Variants in ERC2 observed in about 807,000 individuals in gnomAD.
ERC2 encodes ELKS/RAB6-interacting/CAST family member 2, also known as ERC protein 2.
A neutral mutation model predicts 114.8 loss-of-function variants in ERC2; 42 were observed. The observed-to-expected ratio is 0.37, with a 90% CI of 0.29 to 0.47. ERC2 has a LOEUF of 0.47. ERC2 is among the 20% of genes least tolerant of loss of function. The pLI, the probability that ERC2 is intolerant of heterozygous loss-of-function variation, is 0.99. For synonymous variants in ERC2, 454 were observed against 425.5 expected, an observed-to-expected ratio of 1.07 and a Z score of -0.82; for missense variants, 939 against 1,150.7, an observed-to-expected ratio of 0.82 and a Z score of 2.66.
chr3:55,580,930 G>T (rs975481649), intron 17 of ERC2, among the ~76,000 whole-genome samples: 1 of 152,202 alleles, frequency 6.6e-6, no homozygotes, highest in African/African-American at 2.4e-5. Flanking sequence ...GTTAGATGAG[G>T]TCTCATTGAG....
chr3:55,890,478 G>T (rs1163407952), intron 13 of ERC2, among the ~76,000 whole-genome samples: 1 of 152,182 alleles, frequency 6.6e-6, no homozygotes, highest in Non-Finnish European at 1.5e-5. Flanking sequence ...CATCGAAGCT[G>T]ATCTATCTGC....
intron 2 of ERC2, among the ~76,000 whole-genome samples, chr3:56,417,067 T>C (rs1306958284): frequency 6.6e-6 from 1 of 152,206 alleles, no homozygotes; most frequent in African/African-American, 2.4e-5. Flanking sequence ...ATGGATTCTG[T>C]AGACTGAGAT....
At chr3:55,829,215 C>A (rs2060466326) in intron 14 of ERC2, among the ~76,000 whole-genome samples, 1 of 152,040 alleles carries the variant, frequency 6.6e-6, no homozygotes, top group Non-Finnish European at 1.5e-5. Flanking sequence ...AGATGCCAAC[C>A]CCAAGATTAC....
rs553175496 is a variant in ERC2, at chr3:56,223,140, G to T, written c.1075-49620C>A. On this transcript the variant is annotated intron_variant, in intron 3 of 17. Coordinates refer to ENST00000288221, the MANE Select transcript of ERC2 (RefSeq NM_015576.3). ...CTGACCATGTCTGTAGACAAATGTA[G>T]CTCTGTGGAATCTGGACTGTCCTCA... 8.9e-4 allele frequency among the ~76,000 whole-genome samples: 136 copies of T among 152,328 alleles called. 2 individuals are homozygous for T. The South Asian group carries it at 0.028, about 31-fold the overall frequency.
At chr3:55,698,069 CCT>C (rs1043103214) in intron 16 of ERC2, among the ~76,000 whole-genome samples, 1 of 151,944 alleles carries the variant, frequency 6.6e-6, no homozygotes, top group Non-Finnish European at 1.5e-5. Context: ...GAAATTGACA[CCT>C]CTCTCCACAT....
intron 7 of ERC2, among the ~76,000 whole-genome samples, chr3:56,028,179 T>C (rs559319955): frequency 2.0e-5 from 3 of 152,266 alleles, no homozygotes; most frequent in East Asian, 3.9e-4. Context: ...TTCAATAATA[T>C]CACACTGTCT....
chr3:55,652,912 A>T (rs2060698326), intron 17 of ERC2, among the ~76,000 whole-genome samples: 2 of 151,880 alleles, frequency 1.3e-5, no homozygotes. Context: ...CTGTTTTGAG[A>T]AATGTAGAAA....
chr3:56,350,291 C>T (rs2058501373), intron 2 of ERC2, among the ~76,000 whole-genome samples: 1 of 152,210 alleles, frequency 6.6e-6, no homozygotes, highest in African/African-American at 2.4e-5. Flanking sequence ...AGAAGCTGGC[C>T]TATCTAAAAT....
At chr3:55,732,018 G>A (rs1210470846) in intron 15 of ERC2, among the ~76,000 whole-genome samples, 1 of 152,020 alleles carries the variant, frequency 6.6e-6, no homozygotes, top group African/African-American at 2.4e-5. Flanking sequence ...ACCTGATGGG[G>A]TATGTGTGGA....
chr3:55,790,561 C>T (rs2069918383), intron 14 of ERC2, among the ~76,000 whole-genome samples: 1 of 152,190 alleles, frequency 6.6e-6, no homozygotes. Context: ...GTTAATGCTC[C>T]TAAGAGCATC....
intron 2 of ERC2, among the ~76,000 whole-genome samples, chr3:56,305,695 C>A (rs1373555130): frequency 6.6e-6 from 1 of 152,236 alleles, no homozygotes; most frequent in Non-Finnish European, 1.5e-5. Context: ...CATATCCTCA[C>A]CCAGAAATTT....
At chr3:55,759,456 T>G (rs982324041) in intron 14 of ERC2, among the ~76,000 whole-genome samples, 1 of 111,242 alleles carries the variant, frequency 9.0e-6, no homozygotes, top group Non-Finnish European at 1.8e-5. Context: ...TTTAAGTCTC[T>G]TTCATTAAAA....
chr3:55,776,263 A>C (rs767018191), intron 14 of ERC2, among the ~76,000 whole-genome samples: 6 of 152,072 alleles, frequency 3.9e-5, no homozygotes, highest in Non-Finnish European at 8.8e-5. Flanking sequence ...GGAAATCTCA[A>C]GAAGCGGGTC....
intron 15 of ERC2, among the ~76,000 whole-genome samples, chr3:55,714,541 T>C (rs570013730): frequency 3.7e-4 from 56 of 151,924 alleles, no homozygotes; most frequent in African/African-American, 1.1e-3. Flanking sequence ...CATCACAACA[T>C]ATAATTAAAT....
intron 13 of ERC2, among the ~76,000 whole-genome samples, chr3:55,942,431 G>C (rs1444107388): frequency 6.7e-6 from 1 of 149,076 alleles, no homozygotes. Context: ...TGGGACTACA[G>C]GCGCCCGCCA....
At chr3:55,828,000 T>C (rs1452638568) in intron 14 of ERC2, among the ~76,000 whole-genome samples, 1 of 152,244 alleles carries the variant, frequency 6.6e-6, no homozygotes, top group African/African-American at 2.4e-5. Context: ...GGAAACCAGC[T>C]GGAAAGTTGT....
intron 17 of ERC2, among the ~76,000 whole-genome samples, chr3:55,633,869 C>T (rs949876035): frequency 6.6e-6 from 1 of 152,168 alleles, no homozygotes; most frequent in African/African-American, 2.4e-5. Context: ...CCTCCAGTCC[C>T]CTTCGTTTCT....
intron 2 of ERC2, among the ~76,000 whole-genome samples, chr3:56,337,716 C>T (rs1422839482): frequency 6.6e-6 from 1 of 152,134 alleles, no homozygotes; most frequent in Non-Finnish European, 1.5e-5. Flanking sequence ...GAAGATACAC[C>T]TACCCACTGC....
intron 3 of ERC2, among the ~76,000 whole-genome samples, chr3:56,241,277 C>A (rs1195959833): frequency 2.0e-5 from 3 of 152,028 alleles, no homozygotes; most frequent in Non-Finnish European, 4.4e-5. Flanking sequence ...AAGCAGCTAA[C>A]AAACACATGA....
Sources: allele counts gnomAD v4.1 joint callset (sites outside exome capture counted in the v4.1 genomes callset), GRCh38; gene constraint gnomAD v4.1.1; transcripts MANE v1.5; gene names NCBI Gene and HGNC (gene_info 2026-07-23, HGNC 2026-07-21).